VPS53: variants seen among roughly 807,000 people sequenced by gnomAD.
The protein encoded by VPS53 is vacuolar protein sorting-associated protein 53 homolog.
A neutral mutation model predicts 107.0 loss-of-function variants in VPS53; 70 were observed. The ratio of observed to expected loss-of-function variants is 0.65; its 90% CI spans 0.54 to 0.80. VPS53 has a LOEUF of 0.80. VPS53 is among the 30% of genes least tolerant of loss of function. VPS53 has a pLI of 0.00. For synonymous variants in VPS53, 409 were observed against 393.3 expected, an observed-to-expected ratio of 1.04 and a Z score of -0.47; for missense variants, 917 against 1,049.4, an observed-to-expected ratio of 0.87 and a Z score of 1.74.
At chr17:640,072 T>C (rs1367344530) in intron 7 of VPS53, among the ~76,000 whole-genome samples, 3 of 152,214 alleles carry the variant, frequency 2.0e-5, no homozygotes, top group Non-Finnish European at 4.4e-5. Context: ...CTGGCCACTT[T>C]GTTTACCTGC....
chr17:523,926 C>T (rs1204216036), intron 19 of VPS53, among the ~76,000 whole-genome samples: 1 of 152,198 alleles, frequency 6.6e-6, no homozygotes. Context: ...ATGACTGCTG[C>T]TTTTCCTCGG....
At chr17:657,337 T>C (rs888762449) in intron 5 of VPS53, 36 of 757,372 alleles carry the variant, frequency 4.8e-5, no homozygotes, top group Middle Eastern at 2.5e-4. Context: ...GGGTATGTTA[T>C]ATCAGTTCGG....
Position 601,797 on chromosome 17 carries a change from G to T in VPS53, c.1216C>A (p.Gln406Lys). The T allele has an allele frequency of 6.3e-7, 1 of 1,598,714 alleles. No individual in the cohort carries two copies. The highest frequency in any genetic ancestry group is 1.1e-5 in the South Asian group (1 of 88,604). ...GTGGTGACGCAAACCAGACTTACTT[G>T]ATCTAAATCTCCTTTCTCCGTTGCC... ...ELATEKGDLD[Q>K]PKKPKAPDNP... is the part of the protein sequence containing the mutation. The change falls in exon 12 of 22, where the codon CAA becomes AAA. Residue 406 changes from glutamine (Q) to lysine (K), a missense_variant and splice_region_variant. Transcript: ENST00000437048.
rs549630107 is a variant in VPS53, at chr17:576,406, G to C, written c.1313+9864C>G. ...TCCCTCAGAACCTAATGCATTGCCA[G>C]AGAACCTCCCTCAGAACCTCAATGC... On this transcript the variant is annotated intron_variant, in intron 13 of 21. Coordinates refer to ENST00000437048, the MANE Select transcript of VPS53 (RefSeq NM_001128159.3). Among the ~76,000 whole-genome samples the C allele has an allele frequency of 2.7e-5, 4 of 150,458 alleles. No individual in the cohort carries two copies. The East Asian group carries it at 8.0e-4, about 30-fold the overall frequency.
At chr17:624,974 T>G (rs1350569291) in intron 10 of VPS53, among the ~76,000 whole-genome samples, 1 of 120,980 alleles carries the variant, frequency 8.3e-6, no homozygotes, top group Non-Finnish European at 1.7e-5. Context: ...ACTTCCTTCC[T>G]TCTCTGTCTT....
rs1301277635 is a variant in VPS53 at position 598,734 on chromosome 17, C to T, written c.1218+3061G>A. ...GAGACCCTCTGCCCGGCAACCGCCC[C>T]GTCTGAGAAGTGAGGAGCCCCTCCG... is the stretch of plus-strand genomic sequence containing the variant. On this transcript the variant is annotated intron_variant, in intron 12 of 21. Coordinates refer to ENST00000437048, the MANE Select transcript of VPS53 (RefSeq NM_001128159.3). 5.4e-5 allele frequency among the ~76,000 whole-genome samples: 7 copies of T among 130,326 alleles called. No individual in the cohort carries two copies. The East Asian group carries it at 1.8e-3, about 34-fold the overall frequency. The allele number at this position is 130,326 out of a possible 152,430, so 85.5% of individuals were successfully genotyped here. A position where few individuals can be genotyped will look rare whatever the true frequency, so the allele number is the denominator to read the frequency against.
chr17:563,152 C>T (rs909114590), intron 13 of VPS53, among the ~76,000 whole-genome samples: 1 of 152,130 alleles, frequency 6.6e-6, no homozygotes, highest in Non-Finnish European at 1.5e-5. Context: ...AGAAACTAAT[C>T]CTTCTATCAT....
intron 13 of VPS53, among the ~76,000 whole-genome samples, chr17:582,241 TC>T (rs1222998428): frequency 7.1e-6 from 1 of 141,598 alleles, no homozygotes; most frequent in African/African-American, 2.6e-5. Flanking sequence ...CCAGAGAACC[TC>T]CCTCAGAACC....
At chr17:643,400 T>C (rs71355290) in intron 7 of VPS53, among the ~76,000 whole-genome samples, 3,670 of 53,362 alleles carry the variant, frequency 0.069, 3 homozygotes, top group Middle Eastern at 0.2. Flanking sequence ...CTGAGGACAA[T>C]ACTCATACTT....
chr17:521,764 C>T lies in VPS53; in HGVS notation c.2086-26G>A, dbSNP rs555539338. 34 of 1,486,786 alleles carry T rather than the reference C, an allele frequency of 2.3e-5. No homozygotes were observed. The East Asian group carries it at 3.1e-4, about 14-fold the overall frequency. The allele number at this position is 1,486,786 out of a possible 1,614,324, so 92.1% of individuals were successfully genotyped here. A position where few individuals can be genotyped will look rare whatever the true frequency, so the allele number is the denominator to read the frequency against. On this transcript the variant is annotated intron_variant, in intron 19 of 21. Transcript: ENST00000437048. ...CTGTGGAGCAAAGCAGAGAGCATTA[C>T]CGGCCCCTTCCAGCGACCCAGTGCC...
At chr17:600,645 A>G (rs1034071871) in intron 12 of VPS53, among the ~76,000 whole-genome samples, 8 of 152,174 alleles carry the variant, frequency 5.3e-5, no homozygotes, top group Non-Finnish European at 1.2e-4. Context: ...CTACTCTTCA[A>G]TGAGACATGA....
chr17:665,865 G>A (rs1442685252), intron 4 of VPS53, among the ~76,000 whole-genome samples: 8 of 152,220 alleles, frequency 5.3e-5, no homozygotes, highest in Middle Eastern at 3.4e-3. Flanking sequence ...TTAGATGGGC[G>A]TGGTGGCGGG....
rs184247558 is a variant in VPS53 at position 564,297 on chromosome 17, T to C, written c.1314-1552A>G. 2.2e-3 allele frequency among the ~76,000 whole-genome samples: 333 copies of C among 150,874 alleles called. 1 individual carries two copies. Among genetic ancestry groups the C allele is most frequent in the African/African-American group, 7.8e-3 (319 of 41,092 alleles). Reference sequence around the variant, plus strand: ...GGCTCATGCCTGTAATCCCAGCACTTTGGGAGGCCAAGGCAGGCGGATCAC... The same window carrying C: ...GGCTCATGCCTGTAATCCCAGCACTCTGGGAGGCCAAGGCAGGCGGATCAC... On this transcript the variant is annotated intron_variant, in intron 13 of 21. Transcript: ENST00000437048.
chr17:534,614 C>T (rs1216349481), intron 18 of VPS53, among the ~76,000 whole-genome samples: 2 of 152,086 alleles, frequency 1.3e-5, no homozygotes, highest in Non-Finnish European at 2.9e-5. Flanking sequence ...ACCTAAGTTG[C>T]TTCACATTAG....
At chr17:704,183 C>T (rs1263246532) in intron 2 of VPS53, among the ~76,000 whole-genome samples, 1 of 152,132 alleles carries the variant, frequency 6.6e-6, no homozygotes, top group Non-Finnish European at 1.5e-5. Flanking sequence ...GAGGCTAAAA[C>T]GATTTTCTAG....
At chr17:643,472 G>A (rs537659018) in intron 7 of VPS53, among the ~76,000 whole-genome samples, 2 of 150,538 alleles carry the variant, frequency 1.3e-5, no homozygotes, top group African/African-American at 4.9e-5. Flanking sequence ...TGGAAATCAA[G>A]GACAACACTC....
chr17:684,757 C>A (rs372232978), intron 4 of VPS53, among the ~76,000 whole-genome samples: 2 of 151,964 alleles, frequency 1.3e-5, no homozygotes, highest in African/African-American at 4.8e-5. Context: ...GAGGCCGAGG[C>A]GAGTGAATCA....
At chr17:585,042 C>A (rs117329074) in intron 13 of VPS53, among the ~76,000 whole-genome samples, 1 of 152,062 alleles carries the variant, frequency 6.6e-6, no homozygotes, top group Non-Finnish European at 1.5e-5. Context: ...TCAAGGGATG[C>A]GAAATGAGTG....
chr17:637,552 A>C (rs1167006233), intron 7 of VPS53, among the ~76,000 whole-genome samples: 1 of 152,178 alleles, frequency 6.6e-6, no homozygotes, highest in East Asian at 1.9e-4. Flanking sequence ...TCTTGTGGGC[A>C]TTTAGTGTTA....
Sources: gnomAD v4.1 joint callset for allele counts (sites outside exome capture counted in the v4.1 genomes callset) on GRCh38, gnomAD v4.1.1 for gene constraint, MANE v1.5 for transcripts, NCBI Gene and HGNC (gene_info 2026-07-23, HGNC 2026-07-21) for gene names.